SLCO2A1: variants seen among roughly 807,000 people sequenced by gnomAD.
SLCO2A1 encodes solute carrier organic anion transporter family member 2A1.
A neutral mutation model predicts 71.7 loss-of-function variants in SLCO2A1; 60 were observed. The observed-to-expected ratio is 0.84, with a 90% CI of 0.68 to 1.04. The LOEUF (loss-of-function observed/expected upper bound fraction) is 1.04. Among genes scored for constraint, SLCO2A1 ranks in the 50% least tolerant of loss-of-function variants. The pLI is 0.00. For synonymous variants in SLCO2A1, 308 were observed against 326.7 expected (o/e 0.94, Z 0.62); for missense variants, 745 against 813.4 (o/e 0.92, Z 1.02).
In SLCO2A1 at chr3:134,014,277, C is replaced by T. The variant is rs1031764766; in HGVS notation, c.96+15430G>A. On this transcript the variant is annotated intron_variant, in intron 1 of 13. Transcript: ENST00000310926. ...GGTCACAAGTCCTGGGGTTACTGCT[C>T]TGGCTGTGCCTGAGCCTCCAGTGTA... Among the ~76,000 whole-genome samples the T allele has an allele frequency of 2.6e-5, 4 of 152,122 alleles. 1 individual carries two copies. The South Asian group carries it at 6.2e-4, about 24-fold the overall frequency.
rs567968292 is a variant in SLCO2A1 at position 133,960,814 on chromosome 3, G to A, written c.398-5621C>T. On this transcript the variant is annotated intron_variant, in intron 3 of 13. Coordinates refer to ENST00000310926, the MANE Select transcript of SLCO2A1 (RefSeq NM_005630.3). ...AGAGGCAGCAGACCCAGTGTTGTAG[G>A]AGAGGACATTCTGGAGAAGGTTTCT... 1.5e-4 allele frequency among the ~76,000 whole-genome samples: 23 copies of A among 152,278 alleles called. No homozygotes were observed. The South Asian group carries it at 4.6e-3, about 30-fold the overall frequency.
chr3:133,953,375 G>A (rs1476521535), intron 5 of SLCO2A1, among the ~76,000 whole-genome samples: 4 of 152,200 alleles, frequency 2.6e-5, no homozygotes, highest in African/African-American at 9.6e-5. Flanking sequence ...TGGGCGCTGT[G>A]GTGGCAACAC....
At chr3:133,961,972 T>C (rs924563429) in intron 3 of SLCO2A1, among the ~76,000 whole-genome samples, 1 of 152,190 alleles carries the variant, frequency 6.6e-6, no homozygotes, top group Non-Finnish European at 1.5e-5. Flanking sequence ...CAGAGACAGA[T>C]GTAGTGTGGG....
rs1933177605 is a variant in SLCO2A1 at position 133,933,000 on chromosome 3, G to A, written c.*1713C>T. On this transcript the variant is annotated 3_prime_UTR_variant, in exon 14 of 14. Coordinates refer to ENST00000310926, the MANE Select transcript of SLCO2A1 (RefSeq NM_005630.3). ...GGAAATAAGCTTGTCTGTAACAGTG[G>A]TTTCCACAAAGACTTCAGTCTCATG... 1 of 152,658 alleles carries A rather than the reference G, an allele frequency of 6.6e-6. No homozygotes were observed. The highest frequency in any genetic ancestry group is 1.5e-5 in the Non-Finnish European group (1 of 68,042). The allele number at this position is 152,658 out of a possible 1,614,324, so 9.5% of individuals were successfully genotyped here.
chr3:133,938,805 G>A (rs780433061), intron 11 of SLCO2A1, among the ~76,000 whole-genome samples: 1 of 152,012 alleles, frequency 6.6e-6, no homozygotes, highest in Non-Finnish European at 1.5e-5. Flanking sequence ...AGGAGATTCT[G>A]ATGCATCACT....
chr3:133,954,844 G>T, intron 4 of SLCO2A1, 122 bp downstream of exon 4: 1 of 727,442 alleles, frequency 1.4e-6, no homozygotes, highest in Admixed American at 2.7e-5. Context: ...CCAGGCCTCT[G>T]AACTCATTTG....
intron 1 of SLCO2A1, among the ~76,000 whole-genome samples, chr3:133,982,090 T>C (rs1934607529): frequency 6.6e-6 from 1 of 152,074 alleles, no homozygotes; most frequent in Admixed American, 6.5e-5. Flanking sequence ...CATTATAGGT[T>C]ATAGGTTATA....
At chr3:133,966,039 T>C (rs1934156477) in intron 3 of SLCO2A1, among the ~76,000 whole-genome samples, 1 of 152,238 alleles carries the variant, frequency 6.6e-6, no homozygotes, top group Admixed American at 6.5e-5. Flanking sequence ...GTCCCCATTC[T>C]TGAGCTTCAG....
At chr3:134,015,076 A>G (rs985157847) in intron 1 of SLCO2A1, among the ~76,000 whole-genome samples, 8 of 152,174 alleles carry the variant, frequency 5.3e-5, no homozygotes, top group African/African-American at 1.9e-4. Context: ...CAGGTAATAA[A>G]ATTTGGTATC....
chr3:133,979,882 G>A (rs1486829256), intron 1 of SLCO2A1, among the ~76,000 whole-genome samples: 2 of 152,154 alleles, frequency 1.3e-5, no homozygotes, highest in African/African-American at 2.4e-5. Context: ...GAAACCACAG[G>A]GTGTTGAAGA....
intron 2 of SLCO2A1, among the ~76,000 whole-genome samples, chr3:133,978,263 A>C (rs1934506418): frequency 6.6e-6 from 1 of 152,188 alleles, no homozygotes; most frequent in East Asian, 1.9e-4. Context: ...AGGCCTCGGC[A>C]TGCAGCCCTC....
In SLCO2A1 at chr3:133,965,992, C is replaced by T. The variant is rs568147904; in HGVS notation, c.397+7671G>A. ...TGGGAGAGAGGGAGGGGCCTGCTCCCACAAACCATGACTGTCCACATTCAG... is the reference window on the plus strand; with the variant it reads ...TGGGAGAGAGGGAGGGGCCTGCTCCTACAAACCATGACTGTCCACATTCAG... On this transcript the variant is annotated intron_variant, in intron 3 of 13. Coordinates refer to ENST00000310926, the MANE Select transcript of SLCO2A1 (RefSeq NM_005630.3). 6.6e-5 allele frequency among the ~76,000 whole-genome samples: 10 copies of T among 152,314 alleles called. No individual in the cohort carries two copies. In the East Asian group the frequency reaches 1.7e-3, roughly 26 times the overall value.
intron 1 of SLCO2A1, among the ~76,000 whole-genome samples, chr3:133,987,635 A>G (rs1384804493): frequency 6.6e-6 from 1 of 152,188 alleles, no homozygotes; most frequent in Non-Finnish European, 1.5e-5. Flanking sequence ...CCACCTTGGG[A>G]ACATGTTCTC....
At chr3:133,961,466 C>T (rs964487977) in intron 3 of SLCO2A1, among the ~76,000 whole-genome samples, 2 of 152,114 alleles carry the variant, frequency 1.3e-5, no homozygotes, top group Non-Finnish European at 2.9e-5. Context: ...CTAGCAAAAT[C>T]ATTTTTTGCA....
chr3:133,970,715 C>T (rs910643831), intron 3 of SLCO2A1, among the ~76,000 whole-genome samples: 3 of 152,188 alleles, frequency 2.0e-5, no homozygotes, highest in Non-Finnish European at 2.9e-5. Context: ...CTGCTTCTAT[C>T]CCAGCCAGAC....
At chr3:134,023,996 C>A (rs1279075958) in intron 1 of SLCO2A1, among the ~76,000 whole-genome samples, 1 of 152,250 alleles carries the variant, frequency 6.6e-6, no homozygotes, top group South Asian at 2.1e-4. Context: ...CACTAAGTCA[C>A]TTCATGTCTC....
chr3:133,947,488 G>T (rs1933617544), intron 8 of SLCO2A1, 43 bp from the exon 9 acceptor site: 2 of 1,541,300 alleles, frequency 1.3e-6, no homozygotes, highest in African/African-American at 1.4e-5. Context: ...CACAGGCCTG[G>T]GACTGCATGT....
At chr3:134,007,267 T>C (rs921321726) in intron 1 of SLCO2A1, among the ~76,000 whole-genome samples, 1 of 152,236 alleles carries the variant, frequency 6.6e-6, no homozygotes, top group African/African-American at 2.4e-5. Context: ...ATTCTGTAGA[T>C]TGCCTTCTCA....
At chr3:133,961,942 G>A (rs1213595478) in intron 3 of SLCO2A1, among the ~76,000 whole-genome samples, 1 of 152,238 alleles carries the variant, frequency 6.6e-6, no homozygotes, top group East Asian at 1.9e-4. Context: ...CCGGCCTTAT[G>A]CGGGGACAGG....
Sources: allele counts gnomAD v4.1 joint callset (sites outside exome capture counted in the v4.1 genomes callset), GRCh38; gene constraint gnomAD v4.1.1; transcripts MANE v1.5; gene names NCBI Gene and HGNC (gene_info 2026-07-23, HGNC 2026-07-21).